Variants in PHF2 observed in about 807,000 individuals in gnomAD.
PHF2 encodes PHD finger protein 2.
PHF2 carries 27 observed loss-of-function variants against 120.5 expected under a neutral mutation model. The ratio of observed to expected loss-of-function variants is 0.22; its 90% CI spans 0.17 to 0.31. The LOEUF (loss-of-function observed/expected upper bound fraction) is 0.31. Among genes scored for constraint, PHF2 ranks in the 10% least tolerant of loss-of-function variants. PHF2 has a pLI of 1.00. For synonymous variants in PHF2, 568 were observed against 592.5 expected (o/e 0.96, Z 0.60); for missense variants, 1,024 against 1,434.8 (o/e 0.71, Z 4.63).
chr9:93,650,001 ACACT>A (rs889167746), intron 5 of PHF2, among the ~76,000 whole-genome samples: 71 of 150,250 alleles, frequency 4.7e-4, no homozygotes, highest in Middle Eastern at 3.4e-3. Context: ...AACACGTGGT[ACACT>A]CACACTCACG....
intron 12 of PHF2, among the ~76,000 whole-genome samples, chr9:93,661,326 G>A (rs72747430): frequency 0.13 from 19,210 of 152,214 alleles, 1,373 homozygotes; most frequent in Non-Finnish European, 0.17. Context: ...GTAGTGGGAC[G>A]CTTTTGTGTT....
intron 18 of PHF2, 30 bp from the exon 19 acceptor site, chr9:93,674,897 G>C (rs79020256): frequency 6.4e-7 from 1 of 1,558,906 alleles, no homozygotes; most frequent in Admixed American, 1.7e-5. Context: ...TGCACTCAGC[G>C]GGCCACGCCT....
chr9:93,625,982 C>T (rs1368360119), intron 1 of PHF2, among the ~76,000 whole-genome samples: 3 of 152,052 alleles, frequency 2.0e-5, no homozygotes, highest in Admixed American at 2.0e-4. Flanking sequence ...GTGGCTCATG[C>T]CTATAATCCC....
chr9:93,663,701 C>T (rs995553766), intron 14 of PHF2, 66 bp downstream of exon 14: 34 of 848,904 alleles, frequency 4.0e-5, no homozygotes, highest in South Asian at 3.5e-4. Context: ...ACCATACATA[C>T]TGCATCACAC....
chr9:93,649,129 G>A lies in PHF2; in HGVS notation c.519G>A (p.Lys173=), dbSNP rs140183485. 2.9e-3 allele frequency: 4,544 copies of A among 1,551,370 alleles called. 24 individuals are homozygous for A. Among genetic ancestry groups the A allele is most frequent in the Middle Eastern group, 9.8e-3 (59 of 5,992 alleles). The part of the protein sequence containing the change: ...DVTKQKDCKM[K]LKEFVDYYYS... ...CCAAGCAGAAGGACTGCAAGATGAA[G>A]CTGAAGGAGTTTGTGGACTATTACT... Residue 173 remains lysine, a synonymous_variant, in exon 5 of 22, where the codon AAG becomes AAA. Coordinates refer to ENST00000359246, the MANE Select transcript of PHF2 (RefSeq NM_005392.4).
At chr9:93,640,825 T>A (rs534596795) in intron 3 of PHF2, among the ~76,000 whole-genome samples, 47 of 152,232 alleles carry the variant, frequency 3.1e-4, no homozygotes, top group African/African-American at 1.0e-3. Context: ...GTAATTAGGA[T>A]TTAGTGTGAG....
intron 1 of PHF2, among the ~76,000 whole-genome samples, chr9:93,603,324 C>T (rs1260945913): frequency 6.6e-6 from 1 of 152,234 alleles, no homozygotes; most frequent in African/African-American, 2.4e-5. Flanking sequence ...CCCGACTTAG[C>T]TGTGGTTGTC....
intron 10 of PHF2, 84 bp downstream of exon 10, chr9:93,658,320 A>G (rs1826496637): frequency 1.9e-6 from 2 of 1,033,262 alleles, no homozygotes; most frequent in Admixed American, 2.0e-5. Flanking sequence ...AGCAATGTCC[A>G]GGACTTGTCC....
chr9:93,654,614 TG>T, intron 7 of PHF2, 39 bp downstream of exon 7: 1 of 1,593,092 alleles, frequency 6.3e-7, no homozygotes, highest in Non-Finnish European at 8.6e-7. Flanking sequence ...TACTAGGGCT[TG>T]CCGGCCCTCA....
At chr9:93,632,296 G>A (rs188989296) in intron 2 of PHF2, among the ~76,000 whole-genome samples, 2 of 151,734 alleles carry the variant, frequency 1.3e-5, no homozygotes, top group Non-Finnish European at 2.9e-5. Flanking sequence ...TGCAGATGGT[G>A]GGACCCCCAG....
rs1826932050 is a variant in PHF2, at chr9:93,677,090, G to A, written c.3202+127G>A. On this transcript the variant is annotated intron_variant, in intron 21 of 21. Coordinates refer to ENST00000359246, the MANE Select transcript of PHF2 (RefSeq NM_005392.4). The surrounding 1 kb of genome is among the most constrained non-coding windows in gnomAD (Gnocchi z 4.4). ...TGGGAGGGCTCCTGGGCCTTGGGTG[G>A]CAGGGTGCTGTGGTCCAAGTTGGTT... 5 of 1,043,166 alleles carry A rather than the reference G, an allele frequency of 4.8e-6. No homozygotes were observed. In the South Asian group the frequency reaches 7.3e-5, roughly 15 times the overall value. The allele number at this position is 1,043,166 out of a possible 1,614,324, so 64.6% of individuals were successfully genotyped here.
At chr9:93,643,831 G>C (rs1826208865) in intron 3 of PHF2, among the ~76,000 whole-genome samples, 1 of 151,996 alleles carries the variant, frequency 6.6e-6, no homozygotes. Context: ...TGGGCCCTCT[G>C]TAAATGGCCC....
intron 3 of PHF2, among the ~76,000 whole-genome samples, chr9:93,642,782 A>C (rs936723355): frequency 6.6e-6 from 1 of 152,158 alleles, no homozygotes; most frequent in Non-Finnish European, 1.5e-5. Context: ...CTCTTTTAGT[A>C]GCATTTCTTC....
At chr9:93,591,242 C>T (rs1325176684) in intron 1 of PHF2, among the ~76,000 whole-genome samples, 1 of 152,222 alleles carries the variant, frequency 6.6e-6, no homozygotes, top group Non-Finnish European at 1.5e-5. Context: ...GATGCTTTTT[C>T]CTGATCATAG....
chr9:93,644,432 G>A (rs902445790), intron 3 of PHF2, among the ~76,000 whole-genome samples: 2 of 151,700 alleles, frequency 1.3e-5, no homozygotes, highest in South Asian at 2.1e-4. Flanking sequence ...TGCTGCTGGT[G>A]TGCAAAGAAT....
chr9:93,581,867 T>C (rs1862936539), intron 1 of PHF2, among the ~76,000 whole-genome samples: 1 of 152,138 alleles, frequency 6.6e-6, no homozygotes, highest in African/African-American at 2.4e-5. Context: ...AGTGAGTTTT[T>C]CTGGTGGGAG....
chr9:93,624,168 G>C (rs1450045472), intron 1 of PHF2, among the ~76,000 whole-genome samples: 1 of 152,224 alleles, frequency 6.6e-6, no homozygotes, highest in Non-Finnish European at 1.5e-5. Context: ...CATTATTGCA[G>C]GGTTGTTGGA....
chr9:93,614,779 G>A (rs1825693880), intron 1 of PHF2, among the ~76,000 whole-genome samples: 1 of 152,214 alleles, frequency 6.6e-6, no homozygotes, highest in South Asian at 2.1e-4. Context: ...AGTGATGATG[G>A]TGGTGGCGAG....
rs1170911317 is a variant in PHF2, at chr9:93,645,841, G to C, written c.460+52G>C. ...CTGGGGCTGGAGCTGGGAGTGCTGGGACACCCACCACTGTGCATGCTGTTT... is the reference window on the plus strand; with the variant it reads ...CTGGGGCTGGAGCTGGGAGTGCTGGCACACCCACCACTGTGCATGCTGTTT... On this transcript the variant is annotated intron_variant, in intron 4 of 21. Transcript: ENST00000359246. 5.9e-6 allele frequency: 9 copies of C among 1,518,784 alleles called. No homozygotes were observed. In the Admixed American group the frequency reaches 1.8e-4, roughly 30 times the overall value. 94.1% of individuals were successfully genotyped at this position (1,518,784 alleles called of 1,614,324 possible). A position where few individuals can be genotyped will look rare whatever the true frequency, so the allele number is the denominator to read the frequency against.
Sources: gnomAD v4.1 joint callset for allele counts (sites outside exome capture counted in the v4.1 genomes callset) on GRCh38, gnomAD v4.1.1 for gene constraint, Gnocchi (gnomAD v3.1) non-coding constraint, MANE v1.5 for transcripts, NCBI Gene and HGNC (gene_info 2026-07-23, HGNC 2026-07-21) for gene names.